PCDHA12: variants seen among roughly 807,000 people sequenced by gnomAD.
The protein encoded by PCDHA12 is protocadherin alpha-12.
PCDHA12 carries 44 observed loss-of-function variants against 60.0 expected under a neutral mutation model. That is an observed-to-expected ratio of 0.73 (90% CI 0.58 to 0.94). The LOEUF (loss-of-function observed/expected upper bound fraction) is 0.94. Among genes scored for constraint, PCDHA12 ranks in the 40% least tolerant of loss-of-function variants. PCDHA12 has a pLI of 0.00. For synonymous variants in PCDHA12, 569 were observed against 553.0 expected, an observed-to-expected ratio of 1.03 and a Z score of -0.40; for missense variants, 1,276 against 1,239.7, an observed-to-expected ratio of 1.03 and a Z score of -0.44.
intron 1 of PCDHA12, among the ~76,000 whole-genome samples, chr5:140,931,907 G>T (rs573618162): frequency 6.6e-6 from 1 of 151,782 alleles, no homozygotes; most frequent in Non-Finnish European, 1.5e-5. Flanking sequence ...CATTTGAAAA[G>T]CATGACATTT....
At position 140,927,227 on chromosome 5, in the gene PCDHA12, T is replaced by G. The variant is rs782721972; in HGVS notation, c.2367+49388T>G. The G allele has an allele frequency of 3.2e-5, 51 of 1,613,848 alleles. No individual in the cohort carries two copies. The highest frequency in any genetic ancestry group is 1.6e-4 in the Middle Eastern group (1 of 6,084). ...CCGCTGGAGCTGCACAAGATTCGGA[T>G]TCACGTCCTGGACACCAATGACAAC... On this transcript the variant is annotated intron_variant, in intron 1 of 3. Coordinates refer to ENST00000398631, the MANE Select transcript of PCDHA12 (RefSeq NM_018903.4).
At position 141,009,870 on chromosome 5, in the gene PCDHA12, A is replaced by G. The variant is rs1554262513; in HGVS notation, c.2759A>G (p.Lys920Arg). 1.9e-6 allele frequency: 3 copies of G among 1,614,114 alleles called. No homozygotes were observed. Among genetic ancestry groups the G allele is most frequent in the South Asian group, 2.2e-5 (2 of 91,074 alleles). ...GAGACCAAGAAAAAGAAGAAAAAGA[A>G]GAAGGGTAACAAGACCCAGGAGAAA... ...KEETKKKKKK[K>R]KGNKTQEKKE... The change falls in exon 4 of 4, where the codon AAG (lysine) becomes AGG (arginine). Residue 920 changes from lysine to arginine, a missense_variant. Physicochemically the swap from Lys to Arg is conservative, Grantham distance 26. Coordinates refer to ENST00000398631, the MANE Select transcript of PCDHA12 (RefSeq NM_018903.4).
At chr5:140,962,803 T>C (rs2095709614) in intron 1 of PCDHA12, among the ~76,000 whole-genome samples, 1 of 152,240 alleles carries the variant, frequency 6.6e-6, no homozygotes. Context: ...TGGACAACTC[T>C]AAACATCAGA....
At chr5:140,996,129 G>A (rs190965499) in intron 3 of PCDHA12, among the ~76,000 whole-genome samples, 1 of 152,210 alleles carries the variant, frequency 6.6e-6, no homozygotes, top group Non-Finnish European at 1.5e-5. Flanking sequence ...TGGTGTAGAG[G>A]GTTCTCCCAT....
intron 1 of PCDHA12, among the ~76,000 whole-genome samples, chr5:140,978,369 A>G (rs1015473344): frequency 6.6e-6 from 1 of 152,196 alleles, no homozygotes; most frequent in Non-Finnish European, 1.5e-5. Flanking sequence ...CAAACTCTGC[A>G]ATAGTTTGTT....
chr5:140,974,302 C>G (rs782329639), intron 1 of PCDHA12, among the ~76,000 whole-genome samples: 1 of 152,176 alleles, frequency 6.6e-6, no homozygotes, highest in Non-Finnish European at 1.5e-5. Flanking sequence ...GGAGGTACAA[C>G]TGTGAGTGAG....
intron 1 of PCDHA12, among the ~76,000 whole-genome samples, chr5:140,972,262 C>G (rs116021362): frequency 0.021 from 3,220 of 151,618 alleles, 50 homozygotes; most frequent in Non-Finnish European, 0.033. Context: ...ACATCAGCCT[C>G]CTGAGTAGCT....
Position 140,884,687 on chromosome 5 carries a change from T to C in PCDHA12, c.2367+6848T>C, listed in dbSNP as rs782253030. The C allele has an allele frequency of 4.6e-6, 7 of 1,538,230 alleles. No homozygotes were observed. In the South Asian group the frequency reaches 8.8e-5, roughly 19 times the overall value. On this transcript the variant is annotated intron_variant, in intron 1 of 3. Coordinates refer to ENST00000398631, the MANE Select transcript of PCDHA12 (RefSeq NM_018903.4). ...GGTAAGCTTATATTTTAAAAAATTGTCTTAGTAAACACTTTAGCCTTCCTT... is the reference window on the plus strand; with the variant it reads ...GGTAAGCTTATATTTTAAAAAATTGCCTTAGTAAACACTTTAGCCTTCCTT...
intron 1 of PCDHA12, among the ~76,000 whole-genome samples, chr5:140,938,625 T>G (rs2092136082): frequency 6.6e-6 from 1 of 152,220 alleles, no homozygotes; most frequent in African/African-American, 2.4e-5. Flanking sequence ...AAACTCAGGT[T>G]GCTTATGATG....
chr5:140,930,412 G>T (rs1327423423), intron 1 of PCDHA12: 1 of 148,866 alleles, frequency 6.7e-6, no homozygotes, highest in Non-Finnish European at 1.5e-5. Context: ...TTTTGAGACA[G>T]GGGTCTCACT....
rs2096146085 is a variant in PCDHA12 at position 140,967,476 on chromosome 5, G to T, written c.2368-11473G>T. ...GCCGTGGATGGGGGCATCCCAGCCC[G>T]CTCGGGTACGGCACAGATCTCTGTG... On this transcript the variant is annotated intron_variant, in intron 1 of 3. Transcript: ENST00000398631. The T allele has an allele frequency of 6.2e-7, 1 of 1,613,324 alleles. No individual in the cohort carries two copies. The highest frequency in any genetic ancestry group is 1.3e-5 in the African/African-American group (1 of 75,056).
chr5:140,921,289 A>G (rs2080153256), intron 1 of PCDHA12, among the ~76,000 whole-genome samples: 1 of 152,172 alleles, frequency 6.6e-6, no homozygotes, highest in African/African-American at 2.4e-5. Flanking sequence ...AAAACCTCAA[A>G]TTTGCTGAAT....
At chr5:140,899,158 T>G (rs1285542285) in intron 1 of PCDHA12, among the ~76,000 whole-genome samples, 1 of 152,188 alleles carries the variant, frequency 6.6e-6, no homozygotes, top group African/African-American at 2.4e-5. Context: ...TGACTTCCTC[T>G]TTTCCTAATT....
intron 3 of PCDHA12, among the ~76,000 whole-genome samples, chr5:140,993,295 C>G (rs553867145): frequency 3.3e-5 from 5 of 152,090 alleles, no homozygotes; most frequent in African/African-American, 9.7e-5. Flanking sequence ...GGGTCACAAC[C>G]TTGCCTCCAG....
At chr5:140,923,616 A>T (rs2081445050) in intron 1 of PCDHA12, among the ~76,000 whole-genome samples, 1 of 152,234 alleles carries the variant, frequency 6.6e-6, no homozygotes, top group African/African-American at 2.4e-5. Flanking sequence ...TTATCTGGTC[A>T]TCTTATCCAA....
chr5:140,969,393 C>T, intron 1 of PCDHA12: 1 of 1,590,146 alleles, frequency 6.3e-7, no homozygotes. Flanking sequence ...CCCCCAATAT[C>T]CTGTGATTTG....
At chr5:140,933,392 T>C (rs1298872630) in intron 1 of PCDHA12, among the ~76,000 whole-genome samples, 3 of 152,044 alleles carry the variant, frequency 2.0e-5, no homozygotes, top group Non-Finnish European at 2.9e-5. Context: ...CCTAGAGCCA[T>C]CTGGTTACCA....
intron 1 of PCDHA12, among the ~76,000 whole-genome samples, chr5:140,972,920 C>T (rs1343772789): frequency 6.6e-6 from 1 of 152,048 alleles, no homozygotes; most frequent in East Asian, 1.9e-4. Context: ...CCTTGGCCTC[C>T]CAAAGTGCTG....
Position 140,877,802 on chromosome 5 carries a change from A to C in PCDHA12, c.2330A>C (p.Gln777Pro). The C allele has an allele frequency of 6.2e-7, 1 of 1,613,434 alleles. No homozygotes were observed. Among genetic ancestry groups the C allele is most frequent in the Non-Finnish European group, 8.5e-7 (1 of 1,179,710 alleles). ...TDLMAFSPSLQLSREDCLNPP... is the reference protein window; with the variant it reads ...TDLMAFSPSLPLSREDCLNPP... ...CTCATGGCCTTCAGCCCAAGCCTTCAGCTGTCTCGAGAAGATTGTTTAAAT... is the reference window on the plus strand; with the variant it reads ...CTCATGGCCTTCAGCCCAAGCCTTCCGCTGTCTCGAGAAGATTGTTTAAAT... The change falls in exon 1 of 4, where the codon CAG becomes CCG. Residue 777 changes from glutamine (Q) to proline (P), a missense_variant. Gln to Pro is a moderately conservative substitution (Grantham distance 76). Coordinates refer to ENST00000398631, the MANE Select transcript of PCDHA12 (RefSeq NM_018903.4).
Sources: allele counts gnomAD v4.1 joint callset (sites outside exome capture counted in the v4.1 genomes callset), GRCh38; gene constraint gnomAD v4.1.1; transcripts MANE v1.5; gene names NCBI Gene and HGNC (gene_info 2026-07-23, HGNC 2026-07-21).